EYS: variants seen among roughly 807,000 people sequenced by gnomAD.
EYS encodes the protein protein eyes shut homolog.
In EYS, 250 loss-of-function variants were observed where a neutral mutation model predicts 282.1. The ratio of observed to expected loss-of-function variants is 0.89; its 90% confidence interval spans 0.80 to 0.98. The LOEUF (loss-of-function observed/expected upper bound fraction) is 0.98, where lower values mean the gene tolerates loss of function less well. EYS is among the 50% of genes least tolerant of loss of function. EYS has a pLI of 0.00. For synonymous variants in EYS, 1,355 were observed against 1,282.9 expected (o/e 1.06, Z -1.20); for missense variants, 4,016 against 3,709.0 (o/e 1.08, Z -2.15).
At chr6:65,010,836 C>T (rs1771843297) in intron 13 of EYS, among the ~76,000 whole-genome samples, 1 of 152,148 alleles carries the variant, frequency 6.6e-6, no homozygotes, top group Admixed American at 6.5e-5. Context: ...GAGGGAACAC[C>T]TATCAAACAT....
At chr6:64,070,190 A>G (rs974895208) in intron 32 of EYS, among the ~76,000 whole-genome samples, 2 of 152,116 alleles carry the variant, frequency 1.3e-5, no homozygotes, top group Non-Finnish European at 2.9e-5. Context: ...TGTATTAATG[A>G]ACTTCACGTC....
At chr6:65,582,120 C>T (rs1267771830) in intron 2 of EYS, among the ~76,000 whole-genome samples, 6 of 151,540 alleles carry the variant, frequency 4.0e-5, no homozygotes, top group South Asian at 2.1e-4. Context: ...CGCTTGAACC[C>T]AGGAGGCGGA....
intron 8 of EYS, among the ~76,000 whole-genome samples, chr6:65,360,448 A>T (rs1455986642): frequency 1.3e-5 from 2 of 152,122 alleles, no homozygotes; most frequent in African/African-American, 4.8e-5. Flanking sequence ...CAAAAAACAT[A>T]GAATAATGCA....
intron 1 of EYS, among the ~76,000 whole-genome samples, chr6:65,685,104 T>C (rs1479402673): frequency 6.6e-6 from 1 of 151,976 alleles, no homozygotes; most frequent in Non-Finnish European, 1.5e-5. Flanking sequence ...GGTAATAAGA[T>C]ATGGAAGGAA....
At chr6:64,133,701 A>G (rs1431470093) in intron 31 of EYS, among the ~76,000 whole-genome samples, 1 of 152,024 alleles carries the variant, frequency 6.6e-6, no homozygotes, top group Non-Finnish European at 1.5e-5. Context: ...CTACCCATAT[A>G]TGTATCTTTT....
At position 65,608,348 on chromosome 6, in the gene EYS, T is replaced by A. The variant is rs77585046; in HGVS notation, c.-333+31430A>T. On this transcript the variant is annotated intron_variant, in intron 2 of 42. Coordinates refer to ENST00000503581, the MANE Select transcript of EYS (RefSeq NM_001142800.2). ...GTTTAAAAGACTTAAAATGGTACAC[T>A]GTATAGGGCACTTGCCACAAATAGA... 3.5e-3 allele frequency among the ~76,000 whole-genome samples: 532 copies of A among 152,112 alleles called. 3 individuals are homozygous for A. The highest frequency in any genetic ancestry group is 0.012 in the African/African-American group (514 of 41,528).
intron 31 of EYS, among the ~76,000 whole-genome samples, chr6:64,133,095 A>G (rs1270062238): frequency 1.3e-5 from 2 of 152,090 alleles, no homozygotes; most frequent in African/African-American, 2.4e-5. Context: ...CAGATAAAAT[A>G]TTATATTAAA....
chr6:64,180,465 G>C (rs1341842922), intron 31 of EYS, among the ~76,000 whole-genome samples: 1 of 152,022 alleles, frequency 6.6e-6, no homozygotes, highest in Non-Finnish European at 1.5e-5. Flanking sequence ...GGATGTGCAG[G>C]TTTGTTACAT....
chr6:63,932,525 G>A (rs958372264), intron 35 of EYS, among the ~76,000 whole-genome samples: 1 of 152,096 alleles, frequency 6.6e-6, no homozygotes, highest in African/African-American at 2.4e-5. Flanking sequence ...TCCTCCTTCA[G>A]GGAATTTTTT....
At chr6:65,651,731 A>C (rs1767657525) in intron 1 of EYS, among the ~76,000 whole-genome samples, 2 of 152,000 alleles carry the variant, frequency 1.3e-5, no homozygotes, top group African/African-American at 4.8e-5. Context: ...GAAACTATCC[A>C]GTTCTCTCTT....
At chr6:64,248,415 A>G (rs1160916395) in intron 30 of EYS, among the ~76,000 whole-genome samples, 1 of 152,144 alleles carries the variant, frequency 6.6e-6, no homozygotes, top group Non-Finnish European at 1.5e-5. Flanking sequence ...GGAGAATTGG[A>G]CTGATACTTG....
chr6:64,929,973 TCTGA>T (rs1426886789), intron 15 of EYS, among the ~76,000 whole-genome samples: 4 of 152,124 alleles, frequency 2.6e-5, no homozygotes, highest in Non-Finnish European at 4.4e-5. Flanking sequence ...ATAAATAAAA[TCTGA>T]CTAAGAGATT....
At chr6:65,513,663 C>T (rs1766992356) in intron 2 of EYS, among the ~76,000 whole-genome samples, 1 of 152,174 alleles carries the variant, frequency 6.6e-6, no homozygotes, top group East Asian at 1.9e-4. Flanking sequence ...TGTAATCCAG[C>T]ATATGAACAG....
chr6:65,094,317 GAA>G (rs35028634), intron 12 of EYS, among the ~76,000 whole-genome samples: 1,471 of 73,802 alleles, frequency 0.02, 18 homozygotes, highest in African/African-American at 0.068. Context: ...ATATCTTAAC[GAA>G]AAAAAAAAAA....
chr6:65,403,198 C>G (rs991863486), intron 6 of EYS, among the ~76,000 whole-genome samples: 1 of 151,980 alleles, frequency 6.6e-6, no homozygotes, highest in Admixed American at 6.6e-5. Context: ...TATTTTAAGC[C>G]ACCAAGTTTT....
At chr6:64,912,237 A>T (rs970438602) in intron 16 of EYS, among the ~76,000 whole-genome samples, 1 of 152,038 alleles carries the variant, frequency 6.6e-6, no homozygotes, top group Non-Finnish European at 1.5e-5. Flanking sequence ...AAGAAAAAAA[A>T]AGGGCCAAAA....
chr6:64,095,628 TA>T (rs201174112), intron 31 of EYS, among the ~76,000 whole-genome samples: 5,187 of 152,284 alleles, frequency 0.034, 305 homozygotes, highest in African/African-American at 0.12. Context: ...TCTGTCCCTT[TA>T]TTTTGAGCCT....
In EYS at chr6:64,812,004, T is replaced by A. The variant is rs143962599; in HGVS notation, c.3443+1374A>T. 2.2e-3 allele frequency among the ~76,000 whole-genome samples: 341 copies of A among 152,246 alleles called. 6 individuals carry two copies. Among genetic ancestry groups the A allele is most frequent in the African/African-American group, 7.7e-3 (319 of 41,572 alleles). ...AAATGTATTTCCATGAATTGAATCC[T>A]GATTTTTAACACTGTATCCATCAGA... On this transcript the variant is annotated intron_variant, in intron 22 of 42. Transcript: ENST00000503581.
At position 65,317,777 on chromosome 6, in the gene EYS, T is replaced by TTCCTTCCTTCCTTCCTTCCTTC. The variant is rs1769333110; in HGVS notation, c.1766+17202_1766+17203insGAAGGAAGGAAGGAAGGAAGGA. Among the ~76,000 whole-genome samples the TTCCTTCCTTCCTTCCTTCCTTC allele has an allele frequency of 1.2e-3, 69 of 57,442 alleles. 6 individuals are homozygous for TTCCTTCCTTCCTTCCTTCCTTC. The highest frequency in any genetic ancestry group is 1.8e-3 in the Non-Finnish European group (45 of 25,490). 37.7% of individuals were successfully genotyped at this position (57,442 alleles called of 152,430 possible). A position where few individuals can be genotyped will look rare whatever the true frequency, so the allele number is the denominator to read the frequency against. On this transcript the variant is annotated intron_variant, in intron 11 of 42. Coordinates refer to ENST00000503581, the MANE Select transcript of EYS (RefSeq NM_001142800.2). ...GCTCTTGGCTGGAGGCTACATTTTC[T>TTCCTTCCTTCCTTCCTTCCTTC]CTTCCTTCCTTCCTTCCTTCCTTCC...
Sources: allele counts gnomAD v4.1 joint callset (sites outside exome capture counted in the v4.1 genomes callset), GRCh38; gene constraint gnomAD v4.1.1; transcripts MANE v1.5; gene names NCBI Gene and HGNC (gene_info 2026-07-23, HGNC 2026-07-21).